Variants in NLRP13 observed in about 807,000 individuals in gnomAD.
NLRP13 encodes NLR family pyrin domain containing 13, also known as NACHT, LRR and PYD domains-containing protein 13.
NLRP13 carries 82 observed loss-of-function variants against 94.4 expected under a neutral mutation model. The observed-to-expected ratio is 0.87, with a 90% CI of 0.73 to 1.04. The LOEUF (loss-of-function observed/expected upper bound fraction) is 1.04. NLRP13 is among the 50% of genes least tolerant of loss of function. NLRP13 has a pLI of 0.00. For missense variants in NLRP13, 1,426 were observed against 1,230.8 expected, an observed-to-expected ratio of 1.16 and a Z score of -2.37; for synonymous variants, 553 against 464.7, an observed-to-expected ratio of 1.19 and a Z score of -2.45.
At chr19:55,901,156 G>A (rs1378699604) in intron 9 of NLRP13, among the ~76,000 whole-genome samples, 1 of 152,194 alleles carries the variant, frequency 6.6e-6, no homozygotes, top group African/African-American at 2.4e-5. Context: ...GGAGTCTTAA[G>A]GAAAAGACGA....
At chr19:55,905,576 C>T (rs1986322157) in intron 7 of NLRP13, among the ~76,000 whole-genome samples, 1 of 151,770 alleles carries the variant, frequency 6.6e-6, no homozygotes, top group Admixed American at 6.6e-5. Flanking sequence ...TTGCTTGAAC[C>T]CAAGAGGCAG....
intron 10 of NLRP13, among the ~76,000 whole-genome samples, chr19:55,898,235 G>A (rs1448864884): frequency 7.9e-6 from 1 of 127,262 alleles, no homozygotes; most frequent in Non-Finnish European, 1.6e-5. Flanking sequence ...TTGAGATGGA[G>A]TTTCGCTCTT....
chr19:55,908,103 G>A (rs781437626), intron 6 of NLRP13, 147 bp from the exon 7 acceptor site: 2 of 636,452 alleles, frequency 3.1e-6, no homozygotes, highest in Non-Finnish European at 5.1e-6. Context: ...GCTGAGCCAT[G>A]GTACTGGACC....
chr19:55,915,851 A>G (rs1008272341), intron 4 of NLRP13, among the ~76,000 whole-genome samples: 9 of 152,176 alleles, frequency 5.9e-5, no homozygotes, highest in Admixed American at 5.2e-4. Context: ...CTGATGCACA[A>G]GAAAGTTTCT....
chr19:55,927,658 G>A (rs1183033793), intron 1 of NLRP13, among the ~76,000 whole-genome samples: 2 of 152,106 alleles, frequency 1.3e-5, no homozygotes, highest in African/African-American at 2.4e-5. Flanking sequence ...CAGGGCAAGT[G>A]ACGCTTTCAG....
chr19:55,903,933 T>G (rs1022364274), intron 8 of NLRP13, among the ~76,000 whole-genome samples: 4 of 152,216 alleles, frequency 2.6e-5, no homozygotes, highest in Admixed American at 2.6e-4. Context: ...CAGATTAAGG[T>G]AACATCCCAC....
chr19:55,911,514 A>G (rs577876317), intron 5 of NLRP13, among the ~76,000 whole-genome samples, 192 bp downstream of exon 5: 1 of 152,362 alleles, frequency 6.6e-6, no homozygotes, highest in African/African-American at 2.4e-5. Context: ...AAGTTGATCA[A>G]TTAGATTAGC....
intron 6 of NLRP13, 146 bp downstream of exon 6, chr19:55,910,417 A>C: frequency 2.9e-6 from 2 of 680,056 alleles, no homozygotes. Flanking sequence ...CCCAAGTAGC[A>C]GTTTCATAAA....
rs756785974 is a variant in NLRP13, at chr19:55,911,793, G to A, written c.2024C>T (p.Ser675Leu). Reference protein sequence around the residue: ...ILEDEELQASSFCLKHCKRLN... With the variant: ...ILEDEELQASLFCLKHCKRLN... ...CCTTTTACAGTGCTTTAGGCAAAAT[G>A]AAGAAGCTTGGAGTTCTTCGTCCTC... The change falls in exon 5 of 11, where the codon TCA (serine) becomes TTA (leucine). Residue 675 changes from serine to leucine, a missense_variant. Transcript: ENST00000342929. The A allele has an allele frequency of 1.2e-6, 2 of 1,614,094 alleles. No individual in the cohort carries two copies. Among genetic ancestry groups the A allele is most frequent in the Non-Finnish European group, 1.7e-6 (2 of 1,179,928 alleles).
chr19:55,926,884 T>C lies in NLRP13; in HGVS notation c.320-1849A>G, dbSNP rs1442561476. Among the ~76,000 whole-genome samples, 5 of 152,186 alleles carry C rather than the reference T, an allele frequency of 3.3e-5. 1 individual carries two copies. Among genetic ancestry groups the C allele is most frequent in the Non-Finnish European group, 7.3e-5 (5 of 68,044 alleles). On this transcript the variant is annotated intron_variant, in intron 1 of 10. Transcript: ENST00000342929. ...GAAAAGTATGAATTCCACCCAAGCA[T>C]AGCCAAATGATTTTTGACAAAGATG... is the stretch of plus-strand genomic sequence containing the variant.
At chr19:55,913,821 T>C (rs1031708943) in intron 4 of NLRP13, among the ~76,000 whole-genome samples, 1 of 151,988 alleles carries the variant, frequency 6.6e-6, no homozygotes. Flanking sequence ...GCAAGCCTCG[T>C]GAGTGTGCCC....
chr19:55,897,783 A>G (rs995153601), intron 10 of NLRP13, among the ~76,000 whole-genome samples: 9 of 152,184 alleles, frequency 5.9e-5, no homozygotes, highest in Non-Finnish European at 8.8e-5. Flanking sequence ...ATCTCTGAAT[A>G]GAGGTTTGAG....
chr19:55,902,551 A>G (rs905582728), intron 8 of NLRP13, among the ~76,000 whole-genome samples: 2 of 152,166 alleles, frequency 1.3e-5, no homozygotes, highest in African/African-American at 2.4e-5. Flanking sequence ...GTGACCCTCA[A>G]CAAGCTCCCG....
At position 55,912,620 on chromosome 19, in the gene NLRP13, A is replaced by C; in HGVS notation, c.1197T>G (p.Phe399Leu). 6.2e-7 allele frequency: 1 copy of C among 1,614,204 alleles called. No homozygotes were observed. The highest frequency in any genetic ancestry group is 8.5e-7 in the Non-Finnish European group (1 of 1,180,020). The stretch of plus-strand genomic sequence containing the variant: ...TTTTCTCAACTTCACTTGAGTCATC[A>C]AAGTGTCTCATGAAATATACCCGTA... Reference protein sequence around the residue: ...DDLRVYFMRHFDDSSEVEKIL... With the variant: ...DDLRVYFMRHLDDSSEVEKIL... The change falls in exon 5 of 11, where the codon TTT (phenylalanine) becomes TTG (leucine). Residue 399 changes from phenylalanine to leucine, a missense_variant. Transcript: ENST00000342929.
At chr19:55,895,469 G>C (rs922223965), downstream of NLRP13, among the ~76,000 whole-genome samples, 9 of 152,064 alleles carry the variant, frequency 5.9e-5, no homozygotes, top group African/African-American at 2.2e-4. Context: ...GATCACCTGA[G>C]GTCAGGAGTT....
intron 10 of NLRP13, among the ~76,000 whole-genome samples, chr19:55,896,518 CAA>C (rs776309030): frequency 1.1e-4 from 10 of 90,134 alleles, no homozygotes; most frequent in Admixed American, 1.3e-4. Context: ...GATTCTGTCT[CAA>C]AAAAAAAAAA....
Position 55,924,609 on chromosome 19 carries a change from G to C in NLRP13, c.438C>G (p.Asp146Glu). The C allele has an allele frequency of 2.5e-6, 4 of 1,612,370 alleles. No individual in the cohort carries two copies. Among genetic ancestry groups the C allele is most frequent in the Middle Eastern group, 1.7e-4 (1 of 6,056 alleles). ...GCQDPNQEEL[D>E]ELEEETGNVQ... ...ACACACCTGTTTCTTCTTCTAGCTC[G>C]TCTAGTTCTTCTTGGTTTGGATCTT... Residue 146 changes from aspartate to glutamate, a missense_variant, in exon 3 of 11, where the codon GAC becomes GAG. Asp to Glu is a conservative substitution (Grantham distance 45, BLOSUM62 2). Coordinates refer to ENST00000342929, the MANE Select transcript of NLRP13 (RefSeq NM_176810.2).
intron 4 of NLRP13, among the ~76,000 whole-genome samples, chr19:55,921,191 C>T (rs1447390515): frequency 2.0e-5 from 3 of 152,070 alleles, no homozygotes; most frequent in African/African-American, 4.8e-5. Context: ...GGTGATGGCT[C>T]CACCAAAAGC....
intron 1 of NLRP13, among the ~76,000 whole-genome samples, chr19:55,931,425 T>C (rs1218198988): frequency 6.6e-6 from 1 of 151,780 alleles, no homozygotes; most frequent in Non-Finnish European, 1.5e-5. Flanking sequence ...AAAAGAAGCC[T>C]GGGCTGGGCG....
Sources: allele counts gnomAD v4.1 joint callset (sites outside exome capture counted in the v4.1 genomes callset), GRCh38; gene constraint gnomAD v4.1.1; transcripts MANE v1.5; gene names NCBI Gene and HGNC (gene_info 2026-07-23, HGNC 2026-07-21).